The following BBX variants were observed in gnomAD, a reference collection of about 807,000 sequenced individuals.
BBX encodes BBX high mobility group box domain containing.
In BBX, 30 loss-of-function variants were observed where a neutral mutation model predicts 100.2. That is an observed-to-expected ratio of 0.30 (90% confidence interval 0.22 to 0.41). The LOEUF (loss-of-function observed/expected upper bound fraction) is 0.41. Ranked by LOEUF, BBX falls within the 10% of genes least tolerant of loss-of-function variation. The pLI is 1.00. For synonymous variants in BBX, 376 were observed against 388.1 expected (o/e 0.97, Z 0.37); for missense variants, 1,023 against 1,129.8 (o/e 0.91, Z 1.35).
At chr3:107,587,594 C>T (rs2052953315) in intron 2 of BBX, among the ~76,000 whole-genome samples, 1 of 152,010 alleles carries the variant, frequency 6.6e-6, no homozygotes, top group Non-Finnish European at 1.5e-5. Flanking sequence ...CTTAGAGGAG[C>T]CAGGCAGGAA....
At chr3:107,592,398 A>G (rs1283795513) in intron 2 of BBX, among the ~76,000 whole-genome samples, 2 of 147,274 alleles carry the variant, frequency 1.4e-5, no homozygotes, top group Non-Finnish European at 3.0e-5. Context: ...TATTAAGATG[A>G]CTGTATGTTC....
intron 7 of BBX, among the ~76,000 whole-genome samples, chr3:107,742,485 T>C (rs1306395636): frequency 2.0e-5 from 3 of 152,150 alleles, no homozygotes; most frequent in African/African-American, 4.8e-5. Flanking sequence ...AGATGTATGC[T>C]AAATCCGTAA....
At chr3:107,723,580 G>GC (rs922142848) in intron 5 of BBX, among the ~76,000 whole-genome samples, 2 of 151,780 alleles carry the variant, frequency 1.3e-5, no homozygotes, top group Admixed American at 1.3e-4. Context: ...CCCACAACAG[G>GC]CCCCGGTGTG....
chr3:107,627,246 A>G (rs1477423283), intron 2 of BBX, among the ~76,000 whole-genome samples: 1 of 152,204 alleles, frequency 6.6e-6, no homozygotes, highest in East Asian at 1.9e-4. Flanking sequence ...GTAGGTGCTC[A>G]TTGCAATACC....
intron 3 of BBX, among the ~76,000 whole-genome samples, chr3:107,699,366 G>T (rs1223749416): frequency 6.6e-6 from 1 of 151,882 alleles, no homozygotes; most frequent in African/African-American, 2.4e-5. Flanking sequence ...TTGAAAGTGA[G>T]AATGAGCAAA....
At position 107,654,510 on chromosome 3, in the gene BBX, T is replaced by A. The variant is rs189687156; in HGVS notation, c.-10+8601T>A. ...TTTATTATGTGCCTCTGAAAAAATATTTTAGAACTTTTACTTTCGAATACT... is the reference window on the plus strand; with the variant it reads ...TTTATTATGTGCCTCTGAAAAAATAATTTAGAACTTTTACTTTCGAATACT... On this transcript the variant is annotated intron_variant, in intron 3 of 17. Coordinates refer to ENST00000325805, the MANE Select transcript of BBX (RefSeq NM_001142568.3). Among the ~76,000 whole-genome samples, 36 of 152,226 alleles carry A rather than the reference T, an allele frequency of 2.4e-4. 1 individual carries two copies. The Middle Eastern group carries it at 0.014, about 58-fold the overall frequency.
intron 4 of BBX, 108 bp downstream of exon 4, chr3:107,710,730 A>G: frequency 9.8e-7 from 1 of 1,021,918 alleles, no homozygotes; most frequent in Non-Finnish European, 1.4e-6. Flanking sequence ...AAAAGCCTGT[A>G]TAGCTTGAAT....
chr3:107,569,923 C>A (rs2051218215), intron 2 of BBX, among the ~76,000 whole-genome samples: 2 of 152,206 alleles, frequency 1.3e-5, no homozygotes, highest in Non-Finnish European at 2.9e-5. Flanking sequence ...CTGAGAAGAT[C>A]TGGGAAGGAG....
At position 107,773,519 on chromosome 3, in the gene BBX, C is replaced by A. The variant is rs898288013; in HGVS notation, c.1798C>A (p.His600Asn). The change falls in exon 11 of 18, where the codon CAC becomes AAC. Residue 600 changes from histidine to asparagine, a missense_variant. Physicochemically the swap from His to Asn is moderately conservative, Grantham distance 68 (BLOSUM62 1). Transcript: ENST00000325805. The surrounding 1 kb of genome is among the most constrained non-coding windows in gnomAD (Gnocchi z 4.1). ...GGCCAAGCCTGAGGACAGTGACTGT[C>A]ACAGAAAAATAGAAACTTGTGGTTC... is the stretch of plus-strand genomic sequence containing the variant. The part of the protein sequence containing the change: ...GQAKPEDSDC[H>N]RKIETCGSRK... The A allele has an allele frequency of 4.3e-6, 7 of 1,613,908 alleles. No individual in the cohort carries two copies. The highest frequency in any genetic ancestry group is 5.9e-6 in the Non-Finnish European group (7 of 1,179,964).
chr3:107,704,913 C>T (rs74935395), intron 3 of BBX, among the ~76,000 whole-genome samples: 1,982 of 152,060 alleles, frequency 0.013, 36 homozygotes, highest in African/African-American at 0.042. Flanking sequence ...ATATTTGACC[C>T]GGGTCTTGGA....
At chr3:107,564,773 T>C (rs991407606) in intron 2 of BBX, among the ~76,000 whole-genome samples, 1 of 152,122 alleles carries the variant, frequency 6.6e-6, no homozygotes, top group African/African-American at 2.4e-5. Context: ...ATAATCCTCT[T>C]GCTATCAGAT....
chr3:107,796,942 TTTAAAACAACTGTTATC>T (rs1169689106), intron 15 of BBX, among the ~76,000 whole-genome samples: 1 of 152,164 alleles, frequency 6.6e-6, no homozygotes, highest in Non-Finnish European at 1.5e-5. Context: ...CAAGTAGTTT[TTTAAAACAACTGTTATC>T]TTAAGCCTGT....
At chr3:107,688,285 T>C (rs2059962201) in intron 3 of BBX, among the ~76,000 whole-genome samples, 1 of 152,190 alleles carries the variant, frequency 6.6e-6, no homozygotes, top group Non-Finnish European at 1.5e-5. Context: ...TGAAAGTTGC[T>C]GAACCTACTT....
At chr3:107,720,654 T>C (rs1295749593) in intron 5 of BBX, among the ~76,000 whole-genome samples, 2 of 152,008 alleles carry the variant, frequency 1.3e-5, no homozygotes, top group African/African-American at 4.8e-5. Flanking sequence ...TGGAATTAAA[T>C]GTAATAAAAT....
At chr3:107,600,445 A>T (rs1015723943) in intron 2 of BBX, among the ~76,000 whole-genome samples, 5 of 152,180 alleles carry the variant, frequency 3.3e-5, no homozygotes, top group African/African-American at 9.7e-5. Context: ...TTATTTTATC[A>T]TGGAAGATAC....
At chr3:107,703,182 T>C (rs2061187954) in intron 3 of BBX, among the ~76,000 whole-genome samples, 1 of 152,242 alleles carries the variant, frequency 6.6e-6, no homozygotes, top group African/African-American at 2.4e-5. Flanking sequence ...AATACTGTTT[T>C]GTTAGGTCCA....
At chr3:107,721,562 T>C (rs2062536384) in intron 5 of BBX, among the ~76,000 whole-genome samples, 1 of 152,018 alleles carries the variant, frequency 6.6e-6, no homozygotes. Context: ...TTTCACAACA[T>C]TCCTTGCTTC....
intron 13 of BBX, among the ~76,000 whole-genome samples, chr3:107,785,238 A>C (rs995692102): frequency 4.0e-5 from 6 of 151,652 alleles, no homozygotes; most frequent in African/African-American, 1.4e-4. Context: ...CCAAACATTT[A>C]AAAAAGAATT....
At position 107,778,455 on chromosome 3, in the gene BBX, ACCTGTC is replaced by A. The variant is rs1559699814; in HGVS notation, c.2142_2147del (p.Val715_Pro716del). The A allele has an allele frequency of 6.2e-7, 1 of 1,613,448 alleles. No individual in the cohort carries two copies. The highest frequency in any genetic ancestry group is 1.7e-5 in the Admixed American group (1 of 59,916). ...CTGTTACATTTGACCGGAAATGTGT[ACCTGTC>A]CCAAGAAAAAAGAAGAAGACTGGAA... On this transcript the variant is annotated inframe_deletion, in exon 13 of 18. Transcript: ENST00000325805.
Sources: allele counts gnomAD v4.1 joint callset (sites outside exome capture counted in the v4.1 genomes callset), GRCh38; gene constraint gnomAD v4.1.1; non-coding constraint Gnocchi (gnomAD v3.1); transcripts MANE v1.5; gene names NCBI Gene and HGNC (gene_info 2026-07-23, HGNC 2026-07-21).